Variants in TMEM131 observed in about 807,000 individuals in gnomAD.
The protein encoded by TMEM131 is 2610524E03Rik.
A neutral mutation model predicts 211.6 loss-of-function variants in TMEM131; 66 were observed. The ratio of observed to expected loss-of-function variants is 0.31; its 90% CI spans 0.26 to 0.38. The LOEUF is 0.38. Ranked by LOEUF, TMEM131 falls within the 10% of genes least tolerant of loss-of-function variation. The pLI, the probability that TMEM131 is intolerant of heterozygous loss-of-function variation, is 1.00. For missense variants in TMEM131, 2,036 were observed against 2,299.3 expected, an observed-to-expected ratio of 0.89 and a Z score of 2.34; for synonymous variants, 844 against 841.3, an observed-to-expected ratio of 1.00 and a Z score of -0.06.
chr2:97,922,989 T>G (rs1049623460), intron 2 of TMEM131, among the ~76,000 whole-genome samples: 7 of 152,228 alleles, frequency 4.6e-5, no homozygotes, highest in Non-Finnish European at 1.0e-4. Flanking sequence ...TAGAATTCCA[T>G]TTATAAAACA....
intron 3 of TMEM131, among the ~76,000 whole-genome samples, chr2:97,897,257 G>A (rs903103769): frequency 6.6e-6 from 1 of 151,946 alleles, no homozygotes; most frequent in African/African-American, 2.4e-5. Context: ...CCAATCTGAT[G>A]GCTCTTATTT....
intron 40 of TMEM131, among the ~76,000 whole-genome samples, chr2:97,757,901 C>T (rs1455748314): frequency 1.3e-5 from 2 of 152,108 alleles, no homozygotes; most frequent in African/African-American, 2.4e-5. Flanking sequence ...GGGAGGCCGA[C>T]GTGGGCGGAT....
At chr2:97,927,115 T>C (rs184138571) in intron 2 of TMEM131, among the ~76,000 whole-genome samples, 8 of 152,200 alleles carry the variant, frequency 5.3e-5, no homozygotes, top group Admixed American at 4.6e-4. Flanking sequence ...AAGCTGACTC[T>C]AGGCAAATAC....
chr2:97,866,630 T>C (rs1166635091), intron 4 of TMEM131, among the ~76,000 whole-genome samples: 1 of 152,232 alleles, frequency 6.6e-6, no homozygotes, highest in Non-Finnish European at 1.5e-5. Context: ...TATTTTGGTG[T>C]GTATATGTTT....
rs372255709 is a variant in TMEM131 at position 97,857,119 on chromosome 2, C to T, written c.483+2185G>A. ...GAAACGTCAAGTTAGTAGCCTTTAG[C>T]CTATGTTGTTTGGCCCATACTGTCT... On this transcript the variant is annotated intron_variant, in intron 5 of 40. Transcript: ENST00000186436. 5.3e-5 allele frequency among the ~76,000 whole-genome samples: 8 copies of T among 152,290 alleles called. No homozygotes were observed. In the East Asian group the frequency reaches 1.5e-3, roughly 29 times the overall value.
chr2:97,768,849 C>T (rs372702545), intron 33 of TMEM131, among the ~76,000 whole-genome samples: 1 of 152,198 alleles, frequency 6.6e-6, no homozygotes, highest in East Asian at 1.9e-4. Flanking sequence ...CCTTGGCCTC[C>T]CAAAGTGCTG....
rs2104257980 is a variant in TMEM131 at position 97,888,039 on chromosome 2, A to T, written c.359+13T>A. The T allele has an allele frequency of 6.2e-7, 1 of 1,610,382 alleles. No individual in the cohort carries two copies. The highest frequency in any genetic ancestry group is 1.3e-5 in the African/African-American group (1 of 74,932). On this transcript the variant is annotated intron_variant, in intron 4 of 40. Transcript: ENST00000186436. ...TTTAATGGGAAAGTACAGTCCAAAA[A>T]TTTTAAACTTACTGTTCATGGAAAT...
intron 11 of TMEM131, among the ~76,000 whole-genome samples, chr2:97,828,172 T>C (rs934648895): frequency 1.3e-5 from 2 of 152,206 alleles, no homozygotes; most frequent in African/African-American, 4.8e-5. Context: ...AAGATACTGG[T>C]ACTTGATAGC....
At position 97,796,342 on chromosome 2, in the gene TMEM131, G is replaced by T. The variant is rs571086253; in HGVS notation, c.3076C>A (p.Gln1026Lys). ...KRTFKVENTG[Q>K]LQIHIETIEI... is the part of the protein sequence containing the mutation. ...ATGGTTTCTATGTGAATTTGAAGTT[G>T]TCCTGTATTCTCTACCTTAAATGTT... The change falls in exon 28 of 41, where the codon CAA (glutamine) becomes AAA (lysine). Residue 1026 changes from glutamine to lysine, a missense_variant. By Grantham distance (53) the Gln-to-Lys change is moderately conservative. Transcript: ENST00000186436. The T allele has an allele frequency of 7.0e-5, 108 of 1,551,980 alleles. No individual in the cohort carries two copies. The African/African-American group carries it at 1.3e-3, about 18-fold the overall frequency.
intron 4 of TMEM131, among the ~76,000 whole-genome samples, chr2:97,878,978 C>CT (rs1469201372): frequency 6.6e-6 from 1 of 152,172 alleles, no homozygotes; most frequent in Non-Finnish European, 1.5e-5. Context: ...GTACAATAAA[C>CT]TTTTTCATTC....
rs1245856956 is a variant in TMEM131 at position 97,995,463 on chromosome 2, G to A, written c.187+13C>T. ...ACAGCCCCGCCGCAGGGACGCCGCCGGGGGACACCCACCTTCCTTCTCGGC... is the reference window on the plus strand; with the variant it reads ...ACAGCCCCGCCGCAGGGACGCCGCCAGGGGACACCCACCTTCCTTCTCGGC... On this transcript the variant is annotated intron_variant, in intron 1 of 40. Transcript: ENST00000186436. 3.6e-6 allele frequency: 5 copies of A among 1,383,762 alleles called. No homozygotes were observed. The highest frequency in any genetic ancestry group is 1.6e-5 in the South Asian group (1 of 61,580). The allele number at this position is 1,383,762 out of a possible 1,614,324, so 85.7% of individuals were successfully genotyped here.
chr2:97,797,390 T>C lies in TMEM131; in HGVS notation c.2845A>G (p.Thr949Ala). 6.2e-7 allele frequency: 1 copy of C among 1,610,252 alleles called. No homozygotes were observed. Among genetic ancestry groups the C allele is most frequent in the Non-Finnish European group, 8.5e-7 (1 of 1,179,010 alleles). ...CTGACTATGATAAGTGAAGAAACAG[T>C]TCTGTTGTGAACTGGAGTAAACTTT... ...KVKFTPVHNR[T>A]VSSLIIVRNN... The change falls in exon 26 of 41, where the codon ACT becomes GCT. Residue 949 changes from threonine (T) to alanine (A), a missense_variant. Around this residue, in one of 3 missense-constraint regions of TMEM131, gnomAD observed 1,623 missense variants for 1,805.9 expected, o/e 0.90. Coordinates refer to ENST00000186436, the MANE Select transcript of TMEM131 (RefSeq NM_015348.2).
rs1171619585 is a variant in TMEM131 at position 97,833,353 on chromosome 2, G to A, written c.1074+12C>T. The A allele has an allele frequency of 2.5e-6, 3 of 1,191,452 alleles. No individual in the cohort carries two copies. The highest frequency in any genetic ancestry group is 3.6e-6 in the Non-Finnish European group (3 of 835,540). 73.8% of individuals were successfully genotyped at this position (1,191,452 alleles called of 1,614,324 possible). The stretch of plus-strand genomic sequence containing the variant: ...ATATATAAATTAGGGGAAAAAAGAA[G>A]TAAAAACTTACTGTTATTGGTACAT... On this transcript the variant is annotated intron_variant, in intron 11 of 40. Coordinates refer to ENST00000186436, the MANE Select transcript of TMEM131 (RefSeq NM_015348.2).
intron 4 of TMEM131, among the ~76,000 whole-genome samples, chr2:97,863,377 A>G (rs1305677540): frequency 6.6e-6 from 1 of 152,214 alleles, no homozygotes; most frequent in African/African-American, 2.4e-5. Flanking sequence ...ACCAGTAACC[A>G]AAGCAAAAAT....
At position 97,775,982 on chromosome 2, in the gene TMEM131, G is replaced by A. The variant is rs191676674; in HGVS notation, c.4181C>T (p.Pro1394Leu). Residue 1394 changes from proline (P) to leucine (L), a missense_variant, in exon 32 of 41, where the codon CCT becomes CTT. Pro to Leu is a moderately conservative substitution (Grantham distance 98, BLOSUM62 -3). Around this residue, in one of 3 missense-constraint regions of TMEM131, gnomAD observed 1,623 missense variants for 1,805.9 expected, o/e 0.90. Coordinates refer to ENST00000186436, the MANE Select transcript of TMEM131 (RefSeq NM_015348.2). ...GKPLQRKVKP[P>L]KKQEEKEKKG... Reference sequence around the variant, plus strand: ...CTTCTCCTTTTCCTCTTGCTTCTTAGGTGGTTTCACCTTGCGCTGAAGAGG... The same window carrying A: ...CTTCTCCTTTTCCTCTTGCTTCTTAAGTGGTTTCACCTTGCGCTGAAGAGG... 3 of 1,613,910 alleles carry A rather than the reference G, an allele frequency of 1.9e-6. No individual in the cohort carries two copies. The highest frequency in any genetic ancestry group is 2.5e-6 in the Non-Finnish European group (3 of 1,179,880).
chr2:97,888,009 A>T, intron 4 of TMEM131, 43 bp downstream of exon 4: 2 of 1,441,036 alleles, frequency 1.4e-6, no homozygotes, highest in Non-Finnish European at 1.9e-6. Flanking sequence ...AAATACATTT[A>T]ATAGTTTAAT....
At chr2:97,812,607 A>T (rs1182116851) in intron 16 of TMEM131, 32 bp downstream of exon 16, 1 of 1,583,206 alleles carries the variant, frequency 6.3e-7, no homozygotes, top group South Asian at 1.2e-5. Context: ...TAAAATCCTT[A>T]AATGTGATTT....
intron 1 of TMEM131, among the ~76,000 whole-genome samples, chr2:97,940,256 T>C (rs1177873798): frequency 1.3e-5 from 2 of 152,148 alleles, no homozygotes; most frequent in South Asian, 2.1e-4. Context: ...GATGACATGA[T>C]TGTGTATTTA....
intron 19 of TMEM131, among the ~76,000 whole-genome samples, chr2:97,809,305 T>G (rs1681444990): frequency 6.6e-6 from 1 of 152,222 alleles, no homozygotes; most frequent in Non-Finnish European, 1.5e-5. Flanking sequence ...GCATCCCTGT[T>G]GAGCTTGCGC....
Sources: allele counts gnomAD v4.1 joint callset (sites outside exome capture counted in the v4.1 genomes callset), GRCh38; gene constraint gnomAD v4.1.1; regional missense constraint gnomAD v4.1.1; transcripts MANE v1.5; gene names NCBI Gene and HGNC (gene_info 2026-07-23, HGNC 2026-07-21).